MCFD2: variants seen among roughly 807,000 people sequenced by gnomAD.
MCFD2 encodes multiple coagulation factor deficiency protein 2.
In MCFD2, 11 loss-of-function variants were observed where a neutral mutation model predicts 12.8. The ratio of observed to expected loss-of-function variants is 0.86; its 90% CI spans 0.54 to 1.42. The LOEUF is 1.42. Among genes scored for constraint, MCFD2 ranks in the 40% most tolerant of loss-of-function variants. MCFD2 has a pLI of 0.00. For missense variants in MCFD2, 191 were observed against 178.6 expected, an observed-to-expected ratio of 1.07 and a Z score of -0.40; for synonymous variants, 70 against 68.1, an observed-to-expected ratio of 1.03 and a Z score of -0.14.
chr2:46,909,035 ACTGTGTT>A lies in MCFD2; in HGVS notation c.130_136del (p.Asn44CysfsTer11). On this transcript the variant is annotated frameshift_variant, in exon 2 of 4. Coordinates refer to ENST00000319466, the MANE Select transcript of MCFD2 (RefSeq NM_139279.6). LOFTEE classifies it high-confidence loss of function. ...GCTGAATACGTACTCTTGGTCGTGC[ACTGTGTT>A]CTTATCCAGGCCCATGCTGCCGGGT... 6.2e-7 allele frequency: 1 copy of A among 1,614,210 alleles called. No individual in the cohort carries two copies. Among genetic ancestry groups the A allele is most frequent in the Non-Finnish European group, 8.5e-7 (1 of 1,180,036 alleles).
At chr2:46,922,655 G>C (rs115733769) in intron 1 of MCFD2, among the ~76,000 whole-genome samples, 1,790 of 152,078 alleles carry the variant, frequency 0.012, 40 homozygotes, top group African/African-American at 0.041. Context: ...AGGTGTGAGA[G>C]GTAGAAACCA....
Position 46,940,308 on chromosome 2 carries a change from C to G in MCFD2, c.-8+1264G>C, listed in dbSNP as rs1442694199. Among the ~76,000 whole-genome samples the G allele has an allele frequency of 1.3e-5, 2 of 152,174 alleles. No individual in the cohort carries two copies. The highest frequency in any genetic ancestry group is 3.9e-4 in the East Asian group (2 of 5,174). On this transcript the variant is annotated intron_variant, in intron 1 of 2. Coordinates refer to the MCFD2 transcript ENST00000409147. This position sits in a 1 kb window ranked among gnomAD's most constrained non-coding sequence, Gnocchi z 4.7. ...CTGTCTTTTGAGTCTTCAGTCTGGA[C>G]CATACAATGTGTCACTTAAATGCCG...
upstream of MCFD2, chr2:46,917,396 A>G: frequency 1.8e-6 from 1 of 569,096 alleles, no homozygotes. Flanking sequence ...TCCTCCTTCT[A>G]CCCTGCATCT....
At chr2:46,928,843 A>AG (rs1464928456) in intron 1 of MCFD2, among the ~76,000 whole-genome samples, 1 of 144,882 alleles carries the variant, frequency 6.9e-6, no homozygotes, top group African/African-American at 2.4e-5. Context: ...CCAGAGGGGT[A>AG]GGGGGGGAAG....
At chr2:46,909,753 G>A (rs574100831) in intron 1 of MCFD2, among the ~76,000 whole-genome samples, 44 of 152,312 alleles carry the variant, frequency 2.9e-4, no homozygotes, top group African/African-American at 1.1e-3. Flanking sequence ...GCAGCCTAGA[G>A]GGTAGGAAGC....
At position 46,909,710 on chromosome 2, in the gene MCFD2, C is replaced by T. The variant is rs573361674; in HGVS notation, c.-6-533G>A. On this transcript the variant is annotated intron_variant, in intron 1 of 3. Coordinates refer to ENST00000319466, the MANE Select transcript of MCFD2 (RefSeq NM_139279.6). ...GAGCAGAGTGGCAGGTGCCCACAAG[C>T]GGGAAAGAAACTACAAGTAGTTCAG... Among the ~76,000 whole-genome samples, 9 of 152,086 alleles carry T rather than the reference C, an allele frequency of 5.9e-5. No individual in the cohort carries two copies. The East Asian group carries it at 7.7e-4, about 13-fold the overall frequency.
chr2:46,924,006 G>A (rs1572637945), intron 1 of MCFD2, among the ~76,000 whole-genome samples: 1 of 151,932 alleles, frequency 6.6e-6, no homozygotes, highest in Non-Finnish European at 1.5e-5. Context: ...AAAGTGCTGG[G>A]ATTACAGGTG....
Position 46,941,548 on chromosome 2 carries a change from G to T in MCFD2, c.-8+24C>A. The T allele has an allele frequency of 6.4e-7, 1 of 1,553,878 alleles. No individual in the cohort carries two copies. Among genetic ancestry groups the T allele is most frequent in the Non-Finnish European group, 8.7e-7 (1 of 1,149,122 alleles). On this transcript the variant is annotated intron_variant, in intron 1 of 2. Transcript: ENST00000409147. This position sits in a 1 kb window ranked among gnomAD's most constrained non-coding sequence, Gnocchi z 4.2. ...TGACAGCGCCCGCGAGAAGATGGCT[G>T]CGAAGGGCGCGCACGGCTCCTACCT...
At position 46,941,584 on chromosome 2, in the gene MCFD2, A is replaced by G. The variant is rs1431364676; in HGVS notation, c.-20T>C. On this transcript the variant is annotated 5_prime_UTR_variant, in exon 1 of 3. Transcript: ENST00000409147. The surrounding 1 kb of genome is among the most constrained non-coding windows in gnomAD (Gnocchi z 4.2). ...GCACGGCTCCTACCTGAAGGTGGAG[A>G]GCGAGCTGGAGCGCTGCCGCGCCGA... The G allele has an allele frequency of 6.4e-7, 1 of 1,556,866 alleles. No homozygotes were observed. The highest frequency in any genetic ancestry group is 8.7e-7 in the Non-Finnish European group (1 of 1,150,946).
Position 46,920,965 on chromosome 2 carries a change from A to G in MCFD2, c.-7-12996T>C, listed in dbSNP as rs1669073406. On this transcript the variant is annotated intron_variant, in intron 1 of 2. Coordinates refer to the MCFD2 transcript ENST00000409147. Reference sequence around the variant, plus strand: ...AGGCATCTGACAAAATTTAATCCCTATTCATGATAAAAAAAAAAAAAACTT... The same window carrying G: ...AGGCATCTGACAAAATTTAATCCCTGTTCATGATAAAAAAAAAAAAAACTT... 2.0e-5 allele frequency among the ~76,000 whole-genome samples: 3 copies of G among 148,514 alleles called. No homozygotes were observed. In the South Asian group the frequency reaches 6.3e-4, roughly 31 times the overall value.
At chr2:46,923,083 A>G (rs1405274115) in intron 1 of MCFD2, among the ~76,000 whole-genome samples, 5 of 152,232 alleles carry the variant, frequency 3.3e-5, no homozygotes, top group Non-Finnish European at 7.3e-5. Flanking sequence ...TTCTGTCCCC[A>G]TGGAGTTGGA....
chr2:46,919,646 G>A (rs1473124699), upstream of MCFD2, among the ~76,000 whole-genome samples: 1 of 152,202 alleles, frequency 6.6e-6, no homozygotes, highest in Admixed American at 6.5e-5. Flanking sequence ...CTCAAGCCTG[G>A]TTAACAACAG....
chr2:46,930,418 A>T (rs958513646), intron 1 of MCFD2, among the ~76,000 whole-genome samples: 4 of 150,450 alleles, frequency 2.7e-5, no homozygotes, highest in African/African-American at 7.3e-5. Context: ...AAAAAGCTAG[A>T]TGAAACGTAT....
intron 1 of MCFD2, among the ~76,000 whole-genome samples, chr2:46,912,978 T>G (rs979787483): frequency 2.0e-5 from 3 of 152,034 alleles, no homozygotes; most frequent in African/African-American, 7.2e-5. Flanking sequence ...TCCAACTATG[T>G]GATTGGATGC....
At chr2:46,930,497 A>C (rs1669636439) in intron 1 of MCFD2, among the ~76,000 whole-genome samples, 2 of 132,056 alleles carry the variant, frequency 1.5e-5, no homozygotes, top group African/African-American at 2.9e-5. Context: ...AAGTCCTATA[A>C]TTTTTTTTTT....
rs1048165301 is a variant in MCFD2, at chr2:46,908,285, G to C, written c.150-316C>G. Reference sequence around the variant, plus strand: ...AAAACTTTTTTTTTTTTTTGAGACAGGGTCTCACTCTGCCACCCAGGCTGG... The same window carrying C: ...AAAACTTTTTTTTTTTTTTGAGACACGGTCTCACTCTGCCACCCAGGCTGG... On this transcript the variant is annotated intron_variant, in intron 2 of 3. Coordinates refer to ENST00000319466, the MANE Select transcript of MCFD2 (RefSeq NM_139279.6). This position sits in a 1 kb window ranked among gnomAD's most constrained non-coding sequence, Gnocchi z 4.5. 7 of 371,332 alleles carry C rather than the reference G, an allele frequency of 1.9e-5. No individual in the cohort carries two copies. The highest frequency in any genetic ancestry group is 1.1e-4 in the African/African-American group (5 of 46,954). The allele number at this position is 371,332 out of a possible 1,614,324, so 23.0% of individuals were successfully genotyped here.
chr2:46,916,169 GCTCTTGGTTCAGGT>G (rs1668780023), upstream of MCFD2: 5 of 985,370 alleles, frequency 5.1e-6, no homozygotes, highest in Non-Finnish European at 4.8e-6. Context: ...CCTATACAGG[GCTCTTGGTTCAGGT>G]CTCTTGGTTC....
At chr2:46,916,240 T>G, upstream of MCFD2, 2 of 874,338 alleles carry the variant, frequency 2.3e-6, no homozygotes, top group Non-Finnish European at 2.7e-6. Flanking sequence ...GCTAATTCCT[T>G]CTTGATGAAA....
At chr2:46,938,986 G>A (rs1036094231) in intron 1 of MCFD2, among the ~76,000 whole-genome samples, 2 of 150,656 alleles carry the variant, frequency 1.3e-5, no homozygotes, top group African/African-American at 4.9e-5. Context: ...ATTCCAGCCT[G>A]GGCAACAGAG....
Sources: allele counts gnomAD v4.1 joint callset (sites outside exome capture counted in the v4.1 genomes callset), GRCh38; gene constraint gnomAD v4.1.1; non-coding constraint Gnocchi (gnomAD v3.1); transcripts MANE v1.5; gene names NCBI Gene and HGNC (gene_info 2026-07-23, HGNC 2026-07-21).